Variants in SMC6 observed in about 807,000 individuals in gnomAD.
The protein encoded by SMC6 is structural maintenance of chromosomes 6, also known as structural maintenance of chromosomes protein 6.
Under a neutral mutation model 142.2 loss-of-function variants are expected in SMC6, and 79 were observed. The ratio of observed to expected loss-of-function variants is 0.56; its 90% CI spans 0.46 to 0.67. The LOEUF (loss-of-function observed/expected upper bound fraction) is 0.67, where lower values mean the gene tolerates loss of function less well. Ranked by LOEUF, SMC6 falls within the 30% of genes least tolerant of loss-of-function variation. The probability of loss-of-function intolerance (pLI) is 0.00; values close to 1 mark genes in which losing one functional copy is unlikely to be tolerated. For missense variants in SMC6, 1,072 were observed against 1,284.0 expected (o/e 0.83, Z 2.52); for synonymous variants, 411 against 412.4 (o/e 1.00, Z 0.04).
At chr2:17,681,965 T>C (rs1270153806) in intron 24 of SMC6, 1 of 152,174 alleles carries the variant, frequency 6.6e-6, no homozygotes, top group African/African-American at 2.4e-5. Context: ...GAGGTATGCC[T>C]GTAAACTGTA....
chr2:17,686,266 G>A (rs1311361598), intron 23 of SMC6, among the ~76,000 whole-genome samples: 4 of 152,258 alleles, frequency 2.6e-5, no homozygotes, highest in African/African-American at 9.6e-5. Flanking sequence ...AGGATCACTT[G>A]AGGTCAAGAG....
At chr2:17,669,310 T>A (rs1666647133) in intron 26 of SMC6, among the ~76,000 whole-genome samples, 1 of 152,168 alleles carries the variant, frequency 6.6e-6, no homozygotes, top group South Asian at 2.1e-4. Context: ...TGATGTCTAA[T>A]AGGTAGTAGG....
At chr2:17,700,736 T>C (rs1301695705) in intron 20 of SMC6, among the ~76,000 whole-genome samples, 2 of 152,104 alleles carry the variant, frequency 1.3e-5, no homozygotes, top group Non-Finnish European at 2.9e-5. Context: ...TCCATATGTT[T>C]AAGAAATTTA....
intron 12 of SMC6, among the ~76,000 whole-genome samples, chr2:17,717,842 A>C: frequency 6.6e-6 from 1 of 151,992 alleles, no homozygotes; most frequent in Admixed American, 6.6e-5. Flanking sequence ...AAATTTAGCC[A>C]GCTGTGGTGA....
intron 2 of SMC6, among the ~76,000 whole-genome samples, chr2:17,751,476 A>G (rs1671034914): frequency 6.6e-6 from 1 of 152,166 alleles, no homozygotes; most frequent in East Asian, 1.9e-4. Flanking sequence ...ACAAAAAAAA[A>G]AAAAAAAGAG....
intron 27 of SMC6, 111 bp from the exon 28 acceptor site, chr2:17,665,724 G>A: frequency 1.9e-6 from 1 of 524,914 alleles, no homozygotes; most frequent in Non-Finnish European, 3.3e-6. Context: ...GCTTTTATCT[G>A]GGATATATCT....
chr2:17,716,085 C>T lies in SMC6; in HGVS notation c.1525+1G>A. ...TAACCTCGCTAAATTAAGACAAATA[C>T]CTAAAGGGCCTACAGGTTTATAGGT... On this transcript the variant is annotated splice_donor_variant, in intron 15 of 27. Transcript: ENST00000448223. LOFTEE classifies it high-confidence loss of function. 1.3e-6 allele frequency: 2 copies of T among 1,519,184 alleles called. No individual in the cohort carries two copies. Among genetic ancestry groups the T allele is most frequent in the South Asian group, 1.4e-5 (1 of 73,552 alleles). The allele number at this position is 1,519,184 out of a possible 1,614,324, so 94.1% of individuals were successfully genotyped here.
At chr2:17,746,853 T>G (rs563319451) in intron 2 of SMC6, among the ~76,000 whole-genome samples, 1 of 152,174 alleles carries the variant, frequency 6.6e-6, no homozygotes, top group Non-Finnish European at 1.5e-5. Flanking sequence ...GACAAAAATC[T>G]CTAACATAAT....
At chr2:17,673,836 C>T (rs528296246) in intron 25 of SMC6, among the ~76,000 whole-genome samples, 13 of 151,740 alleles carry the variant, frequency 8.6e-5, no homozygotes, top group East Asian at 2.0e-4. Flanking sequence ...CCCAAAGTGC[C>T]GGGATTATAG....
intron 18 of SMC6, among the ~76,000 whole-genome samples, chr2:17,704,957 TAA>T (rs11361181): frequency 2.7e-4 from 40 of 147,926 alleles, no homozygotes; most frequent in African/African-American, 5.2e-4. Flanking sequence ...GTAATTTTGC[TAA>T]AAAAAAAAAA....
Position 17,695,307 on chromosome 2 carries a change from T to C in SMC6, c.2533-10A>G. ...CTTGTGACATTTTCTCCTAAGAAAG[T>C]AGATGTTTATATCTTTAAAACTCTT... On this transcript the variant is annotated splice_polypyrimidine_tract_variant and intron_variant, in intron 22 of 27. Transcript: ENST00000448223. 3.1e-6 allele frequency: 5 copies of C among 1,609,928 alleles called. No individual in the cohort carries two copies. The highest frequency in any genetic ancestry group is 4.2e-6 in the Non-Finnish European group (5 of 1,178,844).
intron 17 of SMC6, 90 bp downstream of exon 17, chr2:17,708,549 G>A (rs1349184133): frequency 1.8e-6 from 1 of 562,908 alleles, no homozygotes; most frequent in Non-Finnish European, 2.7e-6. Flanking sequence ...GCAACTCTAT[G>A]ATAAAAGGGG....
chr2:17,718,501 C>T (rs1669218989), intron 11 of SMC6, among the ~76,000 whole-genome samples: 1 of 152,056 alleles, frequency 6.6e-6, no homozygotes, highest in Admixed American at 6.6e-5. Context: ...AGCAGAAAAA[C>T]AGAACACAAA....
intron 27 of SMC6, 34 bp downstream of exon 27, chr2:17,666,386 C>T (rs1208150465): frequency 4.2e-6 from 6 of 1,434,906 alleles, no homozygotes; most frequent in Non-Finnish European, 5.9e-6. Context: ...CTTTTATATA[C>T]TTGATATGTA....
intron 14 of SMC6, 55 bp from the exon 15 acceptor site, chr2:17,716,319 T>G (rs1669082495): frequency 3.9e-6 from 6 of 1,546,586 alleles, no homozygotes; most frequent in Non-Finnish European, 4.4e-6. Flanking sequence ...TACAGAAACA[T>G]TTAACCTTTG....
intron 18 of SMC6, among the ~76,000 whole-genome samples, chr2:17,706,502 ATTTATAATTCTTTT>A (rs1668516404): frequency 7.2e-6 from 1 of 139,256 alleles, no homozygotes; most frequent in Non-Finnish European, 1.5e-5. Context: ...CATACAAGTC[ATTTATAATTCTTTT>A]TTTTTTTTCC....
intron 2 of SMC6, among the ~76,000 whole-genome samples, chr2:17,746,665 C>A (rs1392031919): frequency 6.6e-6 from 1 of 152,046 alleles, no homozygotes; most frequent in African/African-American, 2.4e-5. Flanking sequence ...AAATTAACAT[C>A]TTTTAAATTA....
In SMC6 at chr2:17,720,954, T is replaced by C. The variant is rs1379208208; in HGVS notation, c.931A>G (p.Met311Val). The stretch of plus-strand genomic sequence containing the variant: ...ACTGTAATTACCTGCTGTTCTTCCA[T>C]TTTCCTGTCAAGTCTAGCAGCACGA... ...EDRAARLDRK[M>V]EEQQVRLNEA... The change falls in exon 11 of 28, where the codon ATG (methionine) becomes GTG (valine). Residue 311 changes from methionine (M) to valine (V), a missense_variant. Coordinates refer to ENST00000448223, the MANE Select transcript of SMC6 (RefSeq NM_001142286.2). The C allele has an allele frequency of 6.2e-7, 1 of 1,613,040 alleles. No homozygotes were observed. The highest frequency in any genetic ancestry group is 1.7e-5 in the Admixed American group (1 of 59,970).
chr2:17,710,094 C>G (rs1349585977), intron 16 of SMC6, among the ~76,000 whole-genome samples: 3 of 152,198 alleles, frequency 2.0e-5, no homozygotes, highest in African/African-American at 7.2e-5. Flanking sequence ...ACGTTGGCTG[C>G]TGTACTGAGA....
Sources: gnomAD v4.1 joint callset for allele counts (sites outside exome capture counted in the v4.1 genomes callset) on GRCh38, gnomAD v4.1.1 for gene constraint, MANE v1.5 for transcripts, NCBI Gene and HGNC (gene_info 2026-07-23, HGNC 2026-07-21) for gene names.